TFB1M: variants seen among roughly 807,000 people sequenced by gnomAD.
TFB1M encodes the protein transcription factor B1, mitochondrial, also known as dimethyladenosine transferase 1, mitochondrial.
Under a neutral mutation model 31.1 loss-of-function variants are expected in TFB1M, and 27 were observed. The observed-to-expected ratio is 0.87, with a 90% CI of 0.64 to 1.20. TFB1M has a LOEUF of 1.20. Ranked by LOEUF, TFB1M falls within the 50% of genes most tolerant of loss-of-function variation. The probability of loss-of-function intolerance (pLI) is 0.00; values close to 1 mark genes in which losing one functional copy is unlikely to be tolerated. For synonymous variants in TFB1M, 166 were observed against 151.8 expected, an observed-to-expected ratio of 1.09 and a Z score of -0.69; for missense variants, 394 against 418.7, an observed-to-expected ratio of 0.94 and a Z score of 0.51.
intron 5 of TFB1M, chr6:155,275,821 G>T (rs1409139252): frequency 1.2e-6 from 2 of 1,614,098 alleles, no homozygotes; most frequent in Non-Finnish European, 1.7e-6. Flanking sequence ...AGGTGAATGT[G>T]GATGTGGACT....
At chr6:155,272,492 C>T (rs1304703062) in intron 5 of TFB1M, among the ~76,000 whole-genome samples, 3 of 151,838 alleles carry the variant, frequency 2.0e-5, no homozygotes, top group African/African-American at 4.8e-5. Context: ...CTCCCCTCTG[C>T]TTCTGCTTGC....
At chr6:155,245,757 T>TTG in the TFB1M span, 6 of 1,403,640 alleles carry the variant, frequency 4.3e-6, no homozygotes, top group Non-Finnish European at 5.8e-6. Context: ...CTTTTATAGT[T>TTG]TTTTTTTTTT....
the TFB1M span, chr6:155,240,506 T>C: frequency 3.8e-6 from 6 of 1,586,628 alleles, no homozygotes; most frequent in Non-Finnish European, 5.2e-6. Context: ...CGTGCATTAT[T>C]TTCCACCTCT....
At chr6:155,286,820 TAAC>T (rs1776682468) in intron 4 of TFB1M, among the ~76,000 whole-genome samples, 1 of 151,630 alleles carries the variant, frequency 6.6e-6, no homozygotes, top group Non-Finnish European at 1.5e-5. Flanking sequence ...TCAACAACAA[TAAC>T]AACAAAAACT....
At chr6:155,248,083 A>G in the TFB1M span, 6 of 1,614,214 alleles carry the variant, frequency 3.7e-6, no homozygotes, top group Non-Finnish European at 5.1e-6. Context: ...GTCCTACCTC[A>G]TCAAGCCGGT....
the TFB1M span, among the ~76,000 whole-genome samples, chr6:155,249,062 T>G: frequency 2.6e-5 from 4 of 152,194 alleles, no homozygotes; most frequent in Middle Eastern, 3.2e-3. Context: ...TGTAAAAACT[T>G]CATTTTGTAT....
the TFB1M span, among the ~76,000 whole-genome samples, chr6:155,239,057 T>C: frequency 6.6e-6 from 1 of 152,214 alleles, no homozygotes; most frequent in South Asian, 2.1e-4. Flanking sequence ...ATAAAAAGCA[T>C]GCATCAGGCT....
In TFB1M at chr6:155,256,984, CA is replaced by C; in HGVS notation, c.*851del. ...TTTGCTCAAGGCGCAGATCCGTCAC[CA>C]GTCCCTTGACAGTCAGTCTGAAAAT... is the stretch of plus-strand genomic sequence containing the variant. On this transcript the variant is annotated 3_prime_UTR_variant, in exon 7 of 7. Transcript: ENST00000367166. 1 of 1,614,176 alleles carries C rather than the reference CA, an allele frequency of 6.2e-7. No individual in the cohort carries two copies.
intron 1 of TFB1M, among the ~76,000 whole-genome samples, chr6:155,313,869 C>A (rs1308975784): frequency 1.3e-5 from 2 of 152,176 alleles, no homozygotes; most frequent in African/African-American, 4.8e-5. Context: ...ACTCTTTTCA[C>A]CAAGTTATTG....
chr6:155,302,154 T>C (rs930355325), intron 2 of TFB1M, among the ~76,000 whole-genome samples: 1 of 152,226 alleles, frequency 6.6e-6, no homozygotes, highest in African/African-American at 2.4e-5. Context: ...ATCGATTCCT[T>C]AAGAAGAAAT....
chr6:155,234,170 CA>C, the TFB1M span, among the ~76,000 whole-genome samples: 10 of 152,236 alleles, frequency 6.6e-5, no homozygotes, highest in Admixed American at 5.9e-4. Context: ...TTGATTGCTA[CA>C]AACTGGAAAA....
At chr6:155,277,604 C>T (rs1785281127) in intron 5 of TFB1M, among the ~76,000 whole-genome samples, 1 of 152,112 alleles carries the variant, frequency 6.6e-6, no homozygotes, top group South Asian at 2.1e-4. Context: ...TATCCTATAC[C>T]TATTTTACTG....
intron 5 of TFB1M, among the ~76,000 whole-genome samples, chr6:155,269,321 TTTC>T (rs1311134317): frequency 2.2e-5 from 2 of 91,584 alleles, no homozygotes; most frequent in African/African-American, 9.1e-5. Context: ...TTTCTTTTCT[TTTC>T]TTTTTTTTTT....
At chr6:155,299,765 T>C (rs1462820559) in intron 2 of TFB1M, among the ~76,000 whole-genome samples, 2 of 152,120 alleles carry the variant, frequency 1.3e-5, no homozygotes, top group Admixed American at 6.5e-5. Flanking sequence ...ACACCTCTCC[T>C]TGCCCAACTC....
intron 5 of TFB1M, among the ~76,000 whole-genome samples, chr6:155,270,483 T>C (rs1481900840): frequency 6.6e-6 from 1 of 152,202 alleles, no homozygotes; most frequent in Non-Finnish European, 1.5e-5. Context: ...TCTGCCTTCA[T>C]TAAAGGTCTA....
chr6:155,283,538 A>G (rs1316733639), intron 5 of TFB1M, among the ~76,000 whole-genome samples: 1 of 152,228 alleles, frequency 6.6e-6, no homozygotes, highest in Non-Finnish European at 1.5e-5. Flanking sequence ...GATAAACTAC[A>G]TATGTACCTT....
chr6:155,232,646 C>T, the TFB1M span: 1 of 152,240 alleles, frequency 6.6e-6, no homozygotes, highest in Non-Finnish European at 1.5e-5. Context: ...GATGGCTCAG[C>T]ACAGAGTGGG....
intron 2 of TFB1M, among the ~76,000 whole-genome samples, chr6:155,301,454 G>A (rs1447100168): frequency 1.3e-5 from 2 of 152,156 alleles, no homozygotes; most frequent in East Asian, 3.8e-4. Context: ...AATGATACAT[G>A]GGGTATGGTG....
intron 2 of TFB1M, among the ~76,000 whole-genome samples, chr6:155,300,804 T>C (rs548975002): frequency 6.6e-6 from 1 of 152,224 alleles, no homozygotes; most frequent in South Asian, 2.1e-4. Context: ...TTTTTGTTTT[T>C]GTTTTTTGTT....
Sources: gnomAD v4.1 joint callset for allele counts (sites outside exome capture counted in the v4.1 genomes callset) on GRCh38, gnomAD v4.1.1 for gene constraint, MANE v1.5 for transcripts, NCBI Gene and HGNC (gene_info 2026-07-23, HGNC 2026-07-21) for gene names.